Variants in ZFPM2 observed in about 807,000 individuals in gnomAD.
ZFPM2 encodes the protein zinc finger protein ZFPM2.
Under a neutral mutation model 98.6 loss-of-function variants are expected in ZFPM2, and 20 were observed. The ratio of observed to expected loss-of-function variants is 0.20; its 90% CI spans 0.14 to 0.29. The LOEUF is 0.29. Ranked by LOEUF, ZFPM2 falls within the 10% of genes least tolerant of loss-of-function variation. The pLI, the probability that ZFPM2 is intolerant of heterozygous loss-of-function variation, is 1.00. For missense variants in ZFPM2, 1,310 were observed against 1,388.6 expected (o/e 0.94, Z 0.90); for synonymous variants, 518 against 502.7 (o/e 1.03, Z -0.41).
intron 4 of ZFPM2, among the ~76,000 whole-genome samples, chr8:105,626,605 C>CGT (rs1209325673): frequency 4.6e-5 from 7 of 151,504 alleles, no homozygotes; most frequent in African/African-American, 1.7e-4. Flanking sequence ...AATGTGTGTG[C>CGT]GTGTGTGTGT....
intron 5 of ZFPM2, among the ~76,000 whole-genome samples, chr8:105,669,063 A>C (rs1817540342): frequency 6.6e-6 from 1 of 152,142 alleles, no homozygotes; most frequent in South Asian, 2.1e-4. Flanking sequence ...TCACTGCTAT[A>C]GGATAGAGTA....
At position 105,789,205 on chromosome 8, in the gene ZFPM2, G is replaced by A. The variant is rs541398723; in HGVS notation, c.739+281G>A. The stretch of plus-strand genomic sequence containing the variant: ...ACCCACTAACTCGTCATCTAGCATT[G>A]GGTATATCTCCCAATGCTATCCTTC... On this transcript the variant is annotated intron_variant, in intron 6 of 7. Transcript: ENST00000407775. Among the ~76,000 whole-genome samples the A allele has an allele frequency of 1.6e-3, 236 of 151,904 alleles. 1 individual carries two copies. Among genetic ancestry groups the A allele is most frequent in the Non-Finnish European group, 4.3e-4 (29 of 67,948 alleles).
chr8:105,393,791 T>G (rs1245490926), intron 1 of ZFPM2, among the ~76,000 whole-genome samples: 1 of 152,166 alleles, frequency 6.6e-6, no homozygotes, highest in Non-Finnish European at 1.5e-5. Context: ...GTTACAATAA[T>G]TAAAATATCT....
chr8:105,645,934 T>C (rs1817032755), intron 5 of ZFPM2, among the ~76,000 whole-genome samples: 1 of 151,480 alleles, frequency 6.6e-6, no homozygotes, highest in South Asian at 2.1e-4. Flanking sequence ...ACACCTGTAG[T>C]CCCAGCTACT....
At chr8:105,730,153 G>A (rs1168711098) in intron 5 of ZFPM2, among the ~76,000 whole-genome samples, 1 of 151,634 alleles carries the variant, frequency 6.6e-6, no homozygotes, top group Non-Finnish European at 1.5e-5. Context: ...TCTGTTGGTG[G>A]CAGTGGTTAG....
In ZFPM2 at chr8:105,801,421, C is replaced by A. The variant is rs1169963504; in HGVS notation, c.1339C>A (p.Leu447Ile). ...ELDKCEKKTQ[L>I]FLTNQRPEIQ... ...GGACAAGTGTGAGAAAAAGACTCAG[C>A]TCTTTCTCACGAACCAGAGACCAGA... Residue 447 changes from leucine (L) to isoleucine (I), a missense_variant, in exon 8 of 8, where the codon CTC becomes ATC. Leu to Ile is a conservative substitution (Grantham distance 5). Coordinates refer to ENST00000407775, the MANE Select transcript of ZFPM2 (RefSeq NM_012082.4). 6.2e-7 allele frequency: 1 copy of A among 1,613,738 alleles called. No homozygotes were observed.
chr8:105,771,345 T>A (rs1345896758), intron 5 of ZFPM2, among the ~76,000 whole-genome samples: 1 of 152,098 alleles, frequency 6.6e-6, no homozygotes, highest in Non-Finnish European at 1.5e-5. Context: ...ACCATCCAAA[T>A]AACAGGAATC....
At chr8:105,360,508 A>G (rs1812836056) in intron 1 of ZFPM2, among the ~76,000 whole-genome samples, 1 of 152,164 alleles carries the variant, frequency 6.6e-6, no homozygotes, top group Admixed American at 6.5e-5. Context: ...GTTTTAGGGT[A>G]CATGCGCACA....
intron 4 of ZFPM2, among the ~76,000 whole-genome samples, chr8:105,611,697 A>G (rs1435387960): frequency 6.6e-6 from 1 of 150,454 alleles, no homozygotes; most frequent in Non-Finnish European, 1.5e-5. Context: ...TTAACAAAAA[A>G]AAATTTTTTT....
intron 5 of ZFPM2, among the ~76,000 whole-genome samples, chr8:105,659,109 T>C (rs1817342316): frequency 6.6e-6 from 1 of 152,174 alleles, no homozygotes; most frequent in Admixed American, 6.5e-5. Context: ...CAATATCAGA[T>C]AGCTTTGGTA....
intron 3 of ZFPM2, among the ~76,000 whole-genome samples, chr8:105,493,087 G>C (rs1402806901): frequency 6.6e-6 from 1 of 152,146 alleles, no homozygotes; most frequent in Non-Finnish European, 1.5e-5. Flanking sequence ...AGTTAAATGT[G>C]ATTAAATATG....
chr8:105,754,287 G>T (rs1034490742), intron 5 of ZFPM2, among the ~76,000 whole-genome samples: 1 of 152,028 alleles, frequency 6.6e-6, no homozygotes, highest in Admixed American at 6.6e-5. Context: ...ATACTTTGAA[G>T]TTATTTAATT....
intron 5 of ZFPM2, among the ~76,000 whole-genome samples, chr8:105,665,345 G>A (rs150994359): frequency 0.043 from 6,579 of 152,138 alleles, 184 homozygotes; most frequent in Middle Eastern, 0.14. Flanking sequence ...TCAAACTGTA[G>A]CATCTAGTTA....
rs113348955 is a variant in ZFPM2, at chr8:105,356,865, G to A, written c.40+37884G>A. 5.8e-3 allele frequency among the ~76,000 whole-genome samples: 889 copies of A among 152,000 alleles called. 3 individuals carry two copies. Among genetic ancestry groups the A allele is most frequent in the Non-Finnish European group, 9.6e-3 (650 of 67,964 alleles). On this transcript the variant is annotated intron_variant, in intron 1 of 7. Transcript: ENST00000407775. ...ATTTGCCTGTTTTCCTCCTCTTACTGCTTCATCCTGCTTGTAATTTTGCCT... is the reference window on the plus strand; with the variant it reads ...ATTTGCCTGTTTTCCTCCTCTTACTACTTCATCCTGCTTGTAATTTTGCCT...
At chr8:105,363,646 C>T (rs1349662619) in intron 1 of ZFPM2, among the ~76,000 whole-genome samples, 2 of 152,066 alleles carry the variant, frequency 1.3e-5, no homozygotes, top group Non-Finnish European at 2.9e-5. Context: ...GGCATGCTGT[C>T]TCTTACCATG....
intron 5 of ZFPM2, among the ~76,000 whole-genome samples, chr8:105,647,666 T>C (rs1817077179): frequency 6.6e-6 from 1 of 152,126 alleles, no homozygotes; most frequent in Admixed American, 6.5e-5. Context: ...CTGAGAATGA[T>C]GATTTCCAAC....
At chr8:105,616,695 G>A (rs1331043677) in intron 4 of ZFPM2, 1 of 386,578 alleles carries the variant, frequency 2.6e-6, no homozygotes, top group Non-Finnish European at 5.1e-6. Flanking sequence ...GGTAACCAAC[G>A]GACAGAGAAG....
intron 6 of ZFPM2, among the ~76,000 whole-genome samples, chr8:105,797,395 ACT>A (rs546937016): frequency 7.3e-4 from 111 of 151,862 alleles, no homozygotes; most frequent in Non-Finnish European, 1.4e-3. Context: ...ACCAGTCAAA[ACT>A]CTTTCTTCCA....
At chr8:105,621,530 C>T (rs1431191326) in intron 4 of ZFPM2, among the ~76,000 whole-genome samples, 10 of 152,090 alleles carry the variant, frequency 6.6e-5, no homozygotes, top group Admixed American at 6.6e-4. Context: ...CTTTCTCCTG[C>T]CTGATTGCCC....
Sources: gnomAD v4.1 joint callset for allele counts (sites outside exome capture counted in the v4.1 genomes callset) on GRCh38, gnomAD v4.1.1 for gene constraint, MANE v1.5 for transcripts, NCBI Gene and HGNC (gene_info 2026-07-23, HGNC 2026-07-21) for gene names.